Variants in ZNF682 observed in about 807,000 individuals in gnomAD.
ZNF682 encodes zinc finger protein 682.
ZNF682 carries 29 observed loss-of-function variants against 36.5 expected under a neutral mutation model. The ratio of observed to expected loss-of-function variants is 0.80; its 90% CI spans 0.59 to 1.08. The LOEUF is 1.08. ZNF682 is among the 50% of genes least tolerant of loss of function. The pLI is 0.00. For missense variants in ZNF682, 561 were observed against 579.7 expected, an observed-to-expected ratio of 0.97 and a Z score of 0.33; for synonymous variants, 180 against 197.0, an observed-to-expected ratio of 0.91 and a Z score of 0.72.
At chr19:20,023,145 A>T in intron 2 of ZNF682, 46 bp from the exon 3 acceptor site, 1 of 1,535,878 alleles carries the variant, frequency 6.5e-7, no homozygotes. Context: ...GGGATTCTCC[A>T]ATTACCAACC....
chr19:20,026,036 C>T (rs1261294976), intron 1 of ZNF682, among the ~76,000 whole-genome samples: 3 of 152,164 alleles, frequency 2.0e-5, no homozygotes, highest in African/African-American at 7.2e-5. Context: ...GGTGCTGTGG[C>T]TCACGCCTGT....
Position 20,006,128 on chromosome 19 carries a change from A to C in ZNF682, c.1374T>G (p.Cys458Trp). 3 of 1,613,140 alleles carry C rather than the reference A, an allele frequency of 1.9e-6. No homozygotes were observed. Among genetic ancestry groups the C allele is most frequent in the Non-Finnish European group, 2.5e-6 (3 of 1,179,156 alleles). ...TAVKRYKCEE[C>W]GKAFKRCSHL... ...GTGAGCACCGTTTAAAAGCTTTGCC[A>C]CATTCTTCACATTTATAGCGTTTGA... Residue 458 changes from cysteine to tryptophan, a missense_variant, in exon 4 of 4, where the codon TGT becomes TGG. By Grantham distance (215) the Cys-to-Trp change is radical (BLOSUM62 -2). Transcript: ENST00000397165.
At chr19:20,036,063 T>C (rs2088526428) in intron 1 of ZNF682, among the ~76,000 whole-genome samples, 1 of 152,144 alleles carries the variant, frequency 6.6e-6, no homozygotes, top group Non-Finnish European at 1.5e-5. Flanking sequence ...TTTAAATGGA[T>C]GCAGTTTGTC....
intron 1 of ZNF682, among the ~76,000 whole-genome samples, chr19:20,032,252 C>G (rs993822010): frequency 1.3e-5 from 2 of 152,180 alleles, no homozygotes; most frequent in Admixed American, 1.3e-4. Flanking sequence ...TTTGCACATT[C>G]TCAGGCATTT....
chr19:20,039,471 TGGACC>T lies in ZNF682; in HGVS notation c.-131_-127del, dbSNP rs2122404330. ...AGCAGAGGATACTAAGCAATGAAGA[TGGACC>T]CTGAGCTCTGGCTGGAGCGAGACAA... On this transcript the variant is annotated 5_prime_UTR_variant, in exon 1 of 4. Transcript: ENST00000397165. 1 of 1,326,066 alleles carries T rather than the reference TGGACC, an allele frequency of 7.5e-7. No individual in the cohort carries two copies. Among genetic ancestry groups the T allele is most frequent in the African/African-American group, 1.4e-5 (1 of 69,408 alleles). 82.1% of individuals were successfully genotyped at this position (1,326,066 alleles called of 1,614,324 possible).
chr19:20,015,519 G>A, intron 3 of ZNF682: 1 of 740,204 alleles, frequency 1.4e-6, no homozygotes, highest in Non-Finnish European at 1.6e-6. Flanking sequence ...TATAAAAACT[G>A]TAACAAATAA....
At chr19:19,995,706 C>A (rs563980663), downstream of ZNF682, among the ~76,000 whole-genome samples, 2 of 144,524 alleles carry the variant, frequency 1.4e-5, no homozygotes, top group African/African-American at 5.1e-5. Flanking sequence ...CCAGAGTGGG[C>A]AGTAACAGGC....
At chr19:20,004,048 TAA>T (rs1303044418), downstream of ZNF682, among the ~76,000 whole-genome samples, 3 of 152,178 alleles carry the variant, frequency 2.0e-5, no homozygotes, top group Non-Finnish European at 1.5e-5. Context: ...AGTGAAAACT[TAA>T]AGAGTCTATG....
chr19:19,996,991 C>T (rs924468399), downstream of ZNF682: 4 of 368,142 alleles, frequency 1.1e-5, no homozygotes, highest in Admixed American at 4.6e-5. Context: ...CAGACACACA[C>T]ACAGAAACAC....
At chr19:20,011,726 C>T (rs1455407767) in intron 3 of ZNF682, among the ~76,000 whole-genome samples, 1 of 152,134 alleles carries the variant, frequency 6.6e-6, no homozygotes, top group East Asian at 1.9e-4. Flanking sequence ...AAATCAGAAA[C>T]TTATTTGAAA....
At chr19:19,996,141 T>G (rs1176910576), downstream of ZNF682, among the ~76,000 whole-genome samples, 1 of 152,198 alleles carries the variant, frequency 6.6e-6, no homozygotes, top group Non-Finnish European at 1.5e-5. Flanking sequence ...ATTAGCGATG[T>G]AAGGAGGCTT....
At chr19:19,997,028 G>A (rs531210061), downstream of ZNF682, 1 of 386,522 alleles carries the variant, frequency 2.6e-6, no homozygotes, top group Non-Finnish European at 4.6e-6. Context: ...ATGGAAGCGA[G>A]GATAGAGAAG....
intron 3 of ZNF682, among the ~76,000 whole-genome samples, chr19:20,017,869 G>T (rs931992201): frequency 1.3e-5 from 2 of 151,948 alleles, no homozygotes; most frequent in African/African-American, 4.8e-5. Context: ...AATGAAACTA[G>T]AAATCAGAAG....
At chr19:20,010,918 T>A (rs1172594481) in intron 3 of ZNF682, among the ~76,000 whole-genome samples, 1 of 151,792 alleles carries the variant, frequency 6.6e-6, no homozygotes, top group African/African-American at 2.4e-5. Flanking sequence ...TAAGCCGAGA[T>A]CGTGCCACTT....
chr19:20,035,470 C>T (rs1051254635), intron 1 of ZNF682, among the ~76,000 whole-genome samples: 7 of 151,978 alleles, frequency 4.6e-5, no homozygotes, highest in Admixed American at 2.0e-4. Context: ...GTGATCCACC[C>T]ACCTCAGCCT....
chr19:20,030,442 C>T (rs926222783), intron 1 of ZNF682, among the ~76,000 whole-genome samples: 88 of 151,996 alleles, frequency 5.8e-4, no homozygotes, highest in African/African-American at 2.0e-3. Flanking sequence ...TGGTGGTGCA[C>T]GCCTGTAATC....
rs1397839427 is a variant in ZNF682 at position 20,023,099 on chromosome 19, C to T, written c.131G>A (p.Gly44Asp). 2 of 1,612,974 alleles carry T rather than the reference C, an allele frequency of 1.2e-6. No individual in the cohort carries two copies. The highest frequency in any genetic ancestry group is 1.7e-6 in the Non-Finnish European group (2 of 1,179,290). Residue 44 changes from glycine to aspartate, a missense_variant and splice_region_variant, in exon 3 of 4, where the codon GGT (glycine) becomes GAT (aspartate). Coordinates refer to ENST00000397165, the MANE Select transcript of ZNF682 (RefSeq NM_033196.3). ...LENYRNLVSL[G>D]LTVSKPELIS... ...CAGTTCTGGCTTAGAAACAGTAAGA[C>T]CTGTTTTATTAGAAAAAAGTAATGT...
intron 3 of ZNF682, among the ~76,000 whole-genome samples, chr19:20,020,994 T>G (rs2088378546): frequency 6.6e-6 from 1 of 152,206 alleles, no homozygotes; most frequent in Admixed American, 6.5e-5. Flanking sequence ...CATAGCATCA[T>G]GGCTATAGTT....
rs553543848 is a variant in ZNF682, at chr19:20,035,065, T to C, written c.3+4278A>G. Reference sequence around the variant, plus strand: ...ATGAGTGGAGATCATGCCACTGCACTCCACCCTAAGCAACAGGCTGAAATT... The same window carrying C: ...ATGAGTGGAGATCATGCCACTGCACCCCACCCTAAGCAACAGGCTGAAATT... On this transcript the variant is annotated intron_variant, in intron 1 of 3. Coordinates refer to ENST00000397165, the MANE Select transcript of ZNF682 (RefSeq NM_033196.3). Among the ~76,000 whole-genome samples the C allele has an allele frequency of 9.9e-5, 15 of 152,264 alleles. 1 individual carries two copies. The highest frequency in any genetic ancestry group is 6.8e-3 in the Middle Eastern group (2 of 294).
Sources: allele counts gnomAD v4.1 joint callset (sites outside exome capture counted in the v4.1 genomes callset), GRCh38; gene constraint gnomAD v4.1.1; transcripts MANE v1.5; gene names NCBI Gene and HGNC (gene_info 2026-07-23, HGNC 2026-07-21).